The following PLD5 variants were observed in gnomAD, a reference collection of about 807,000 sequenced individuals.
The protein encoded by PLD5 is phospholipase D family member 5, also known as inactive phospholipase D5.
Under a neutral mutation model 61.1 loss-of-function variants are expected in PLD5, and 36 were observed. The ratio of observed to expected loss-of-function variants is 0.59; its 90% CI spans 0.45 to 0.78. The LOEUF is 0.78. PLD5 is among the 30% of genes least tolerant of loss of function. PLD5 has a pLI of 0.00. For missense variants in PLD5, 515 were observed against 644.4 expected, an observed-to-expected ratio of 0.80 and a Z score of 2.17; for synonymous variants, 243 against 242.8, an observed-to-expected ratio of 1.00 and a Z score of -0.01.
At chr1:242,355,818 T>C (rs192425466) in intron 1 of PLD5, among the ~76,000 whole-genome samples, 5 of 152,318 alleles carry the variant, frequency 3.3e-5, no homozygotes, top group Admixed American at 2.6e-4. Flanking sequence ...TCTCAAGACA[T>C]TTTTTAATTT....
chr1:242,259,349 A>G (rs1192860094), intron 4 of PLD5, among the ~76,000 whole-genome samples: 1 of 152,162 alleles, frequency 6.6e-6, no homozygotes, highest in Non-Finnish European at 1.5e-5. Context: ...TTAATTTTAA[A>G]AAGGATGAAA....
intron 1 of PLD5, among the ~76,000 whole-genome samples, chr1:242,394,898 T>TTATATATGAATA (rs1553366816): frequency 0.11 from 10,768 of 101,880 alleles, 1,095 homozygotes; most frequent in African/African-American, 0.22. Context: ...ATATATATGA[T>TTATATATGAATA]TATATATGAA....
intron 2 of PLD5, among the ~76,000 whole-genome samples, chr1:242,301,554 C>A (rs183350341): frequency 6.6e-6 from 1 of 152,224 alleles, no homozygotes; most frequent in African/African-American, 2.4e-5. Flanking sequence ...ACACCAGAGA[C>A]AACTTTAGAC....
chr1:242,371,921 G>T (rs1033440313), intron 1 of PLD5, among the ~76,000 whole-genome samples: 9 of 151,854 alleles, frequency 5.9e-5, no homozygotes, highest in Non-Finnish European at 1.2e-4. Flanking sequence ...GAACGTGCAG[G>T]TTTGCTACAT....
intron 1 of PLD5, among the ~76,000 whole-genome samples, chr1:242,446,527 C>T (rs550988853): frequency 6.6e-6 from 1 of 152,180 alleles, no homozygotes; most frequent in African/African-American, 2.4e-5. Flanking sequence ...GCTGAGATCG[C>T]GCCACTGCAC....
chr1:242,496,732 T>C (rs564644672), intron 1 of PLD5, among the ~76,000 whole-genome samples: 16 of 152,348 alleles, frequency 1.1e-4, no homozygotes, highest in Middle Eastern at 6.8e-3. Flanking sequence ...CCTTAAAGGA[T>C]TGTGGCATAG....
chr1:242,368,190 T>C (rs1457869475), intron 1 of PLD5, among the ~76,000 whole-genome samples: 1 of 152,190 alleles, frequency 6.6e-6, no homozygotes, highest in Non-Finnish European at 1.5e-5. Flanking sequence ...CAACTAAACC[T>C]ACTGCTCCAC....
chr1:242,131,835 CTTTT>C (rs10694688), intron 5 of PLD5, among the ~76,000 whole-genome samples: 1 of 122,826 alleles, frequency 8.1e-6, no homozygotes. Context: ...TCTTTCTTTC[CTTTT>C]TTTTTTTTTT....
intron 1 of PLD5, among the ~76,000 whole-genome samples, chr1:242,431,062 G>A (rs934783034): frequency 4.6e-5 from 7 of 152,090 alleles, no homozygotes; most frequent in Admixed American, 1.3e-4. Context: ...GTGAAAAATC[G>A]TGGTGAAATA....
At chr1:242,339,021 A>T (rs1157053393) in intron 2 of PLD5, among the ~76,000 whole-genome samples, 2 of 151,996 alleles carry the variant, frequency 1.3e-5, no homozygotes, top group African/African-American at 4.8e-5. Context: ...TCTTTTTCTA[A>T]CTCATTTCTA....
At position 242,476,355 on chromosome 1, in the gene PLD5, C is replaced by CA. The variant is rs34255531; in HGVS notation, c.189+47732dup. On this transcript the variant is annotated intron_variant, in intron 1 of 9. Transcript: ENST00000536534. ...GGGCGATGAGAGTGAAACTCCGTCT[C>CA]AAAAAAAAAAGAAAAAAGAAAAAAG... Among the ~76,000 whole-genome samples, 438 of 138,780 alleles carry CA rather than the reference C, an allele frequency of 3.2e-3. 3 individuals carry two copies. Among genetic ancestry groups the CA allele is most frequent in the African/African-American group, 9.0e-3 (338 of 37,444 alleles). The allele number at this position is 138,780 out of a possible 152,430, so 91.0% of individuals were successfully genotyped here. A position where few individuals can be genotyped will look rare whatever the true frequency, so the allele number is the denominator to read the frequency against.
At chr1:242,192,569 AC>A (rs1668350489) in intron 5 of PLD5, among the ~76,000 whole-genome samples, 1 of 152,148 alleles carries the variant, frequency 6.6e-6, no homozygotes, top group South Asian at 2.1e-4. Context: ...GGGAAAAAAA[AC>A]ATTTTCCTCC....
chr1:242,244,619 G>C (rs2841939), intron 4 of PLD5, among the ~76,000 whole-genome samples: 168 of 152,310 alleles, frequency 1.1e-3, no homozygotes, highest in African/African-American at 2.7e-3. Context: ...CATTTCCAAC[G>C]GCTACTAGGA....
At chr1:242,138,776 A>G (rs1663940939) in intron 5 of PLD5, among the ~76,000 whole-genome samples, 1 of 152,164 alleles carries the variant, frequency 6.6e-6, no homozygotes, top group Admixed American at 6.6e-5. Context: ...TTTCTTGGGG[A>G]TGGTGCTGTA....
At chr1:242,479,209 T>C (rs1042421942) in intron 1 of PLD5, among the ~76,000 whole-genome samples, 9 of 152,176 alleles carry the variant, frequency 5.9e-5, no homozygotes, top group South Asian at 2.1e-4. Flanking sequence ...AGGAATGCAA[T>C]AGGCACAAAA....
intron 2 of PLD5, among the ~76,000 whole-genome samples, chr1:242,332,083 G>A (rs1659217130): frequency 6.6e-6 from 1 of 151,568 alleles, no homozygotes; most frequent in African/African-American, 2.4e-5. Flanking sequence ...TCCCCTCCCT[G>A]TGTCCATGTG....
chr1:242,442,593 A>G (rs971249209), intron 1 of PLD5, among the ~76,000 whole-genome samples: 1 of 152,180 alleles, frequency 6.6e-6, no homozygotes, highest in African/African-American at 2.4e-5. Flanking sequence ...GCGGGGTGCT[A>G]ATTACAAGAT....
chr1:242,498,662 T>C (rs1193425908), intron 1 of PLD5, among the ~76,000 whole-genome samples: 1 of 152,184 alleles, frequency 6.6e-6, no homozygotes, highest in Non-Finnish European at 1.5e-5. Flanking sequence ...TGTCACCCTC[T>C]TACAGAGGCT....
At chr1:242,277,362 G>A (rs980449483) in intron 3 of PLD5, among the ~76,000 whole-genome samples, 1 of 151,720 alleles carries the variant, frequency 6.6e-6, no homozygotes, top group Non-Finnish European at 1.5e-5. Flanking sequence ...CATCCTCAGG[G>A]AAAAGCCATG....
Sources: gnomAD v4.1 joint callset for allele counts (sites outside exome capture counted in the v4.1 genomes callset) on GRCh38, gnomAD v4.1.1 for gene constraint, MANE v1.5 for transcripts, NCBI Gene and HGNC (gene_info 2026-07-23, HGNC 2026-07-21) for gene names.